The following C2orf68 variants were observed in gnomAD, a reference collection of about 807,000 sequenced individuals.
C2orf68 encodes the protein UPF0561 protein C2orf68.
Under a neutral mutation model 19.1 loss-of-function variants are expected in C2orf68, and 15 were observed. That is an observed-to-expected ratio of 0.79 (90% CI 0.53 to 1.21). The LOEUF (loss-of-function observed/expected upper bound fraction) is 1.21. Among genes scored for constraint, C2orf68 ranks in the 50% most tolerant of loss-of-function variants. The pLI is 0.00. For missense variants in C2orf68, 242 were observed against 226.6 expected, an observed-to-expected ratio of 1.07 and a Z score of -0.44; for synonymous variants, 98 against 91.0, an observed-to-expected ratio of 1.08 and a Z score of -0.44.
Position 85,611,993 on chromosome 2 carries a change from G to A in C2orf68, c.-9C>T. 1 of 1,517,484 alleles carries A rather than the reference G, an allele frequency of 6.6e-7. No individual in the cohort carries two copies. The highest frequency in any genetic ancestry group is 2.4e-5 in the East Asian group (1 of 41,490). 94.0% of individuals were successfully genotyped at this position (1,517,484 alleles called of 1,614,324 possible). ...TGCGGCCCCGCCTCCATCAGGAGCCGGGGACGCAGAGTCGCCGCCGCCTCG... is the reference window on the plus strand; with the variant it reads ...TGCGGCCCCGCCTCCATCAGGAGCCAGGGACGCAGAGTCGCCGCCGCCTCG... On this transcript the variant is annotated 5_prime_UTR_variant, in exon 1 of 4. Coordinates refer to ENST00000306336, the MANE Select transcript of C2orf68 (RefSeq NM_001013649.4).
rs201689055 is a variant in C2orf68, at chr2:85,611,721, G to A, written c.173C>T (p.Ala58Val). 2.7e-4 allele frequency: 431 copies of A among 1,602,028 alleles called. 2 individuals are homozygous for A. The African/African-American group carries it at 4.5e-3, about 17-fold the overall frequency. The change falls in exon 2 of 4, where the codon GCG becomes GTG. Residue 58 changes from alanine (A) to valine (V), a missense_variant. Coordinates refer to ENST00000306336, the MANE Select transcript of C2orf68 (RefSeq NM_001013649.4). ...GTCTGGCTTGCGGGGCCGCGTCGGC[G>A]CGGGCGTGTGCCGCCTCCTCACCTT... ...KEKVRRRHTPAPTRPRKPDLQ... is the reference protein window; with the variant it reads ...KEKVRRRHTPVPTRPRKPDLQ...
Position 85,611,868 on chromosome 2 carries a change from G to A in C2orf68, c.107+10C>T, listed in dbSNP as rs1383385812. 23 of 1,597,526 alleles carry A rather than the reference G, an allele frequency of 1.4e-5. No homozygotes were observed. The highest frequency in any genetic ancestry group is 1.9e-5 in the Non-Finnish European group (22 of 1,177,090). On this transcript the variant is annotated intron_variant, in intron 1 of 3. Transcript: ENST00000306336. ...AGTGGTGGCGGCGGCGGCGCAGGGC[G>A]GGGCGGTACCGAGCGATCTGGTTCC...
Position 85,608,793 on chromosome 2 carries a change from G to T in C2orf68, c.*152C>A. Reference sequence around the variant, plus strand: ...ATAAGAAAGAATGACTGCAAGGCAGGCCAGGTGTAGTCCTGCAACACCCTA... The same window carrying T: ...ATAAGAAAGAATGACTGCAAGGCAGTCCAGGTGTAGTCCTGCAACACCCTA... On this transcript the variant is annotated 3_prime_UTR_variant, in exon 4 of 4. Transcript: ENST00000306336. The T allele has an allele frequency of 2.3e-6, 2 of 873,520 alleles. No homozygotes were observed. The highest frequency in any genetic ancestry group is 3.4e-6 in the Non-Finnish European group (2 of 593,774). The allele number at this position is 873,520 out of a possible 1,614,324, so 54.1% of individuals were successfully genotyped here.
Position 85,612,008 on chromosome 2 carries a change from C to G in C2orf68, c.-24G>C, listed in dbSNP as rs904998304. ...ATCAGGAGCCGGGGACGCAGAGTCG[C>G]CGCCGCCTCGACGGCCCCAACAACA... is the stretch of plus-strand genomic sequence containing the variant. On this transcript the variant is annotated 5_prime_UTR_variant, in exon 1 of 4. Transcript: ENST00000306336. The G allele has an allele frequency of 9.5e-6, 14 of 1,475,516 alleles. No individual in the cohort carries two copies. The highest frequency in any genetic ancestry group is 1.2e-5 in the Non-Finnish European group (13 of 1,116,652). The allele number at this position is 1,475,516 out of a possible 1,614,324, so 91.4% of individuals were successfully genotyped here. A position where few individuals can be genotyped will look rare whatever the true frequency, so the allele number is the denominator to read the frequency against.
chr2:85,611,347 G>C (rs1430811740), intron 2 of C2orf68: 1 of 1,438,772 alleles, frequency 7.0e-7, no homozygotes, highest in East Asian at 2.5e-5. Context: ...TGTGCTGGTC[G>C]CTCATCGCTG....
At position 85,609,567 on chromosome 2, in the gene C2orf68, G is replaced by C; in HGVS notation, c.246C>G (p.Arg82=). 6.2e-7 allele frequency: 1 copy of C among 1,614,208 alleles called. No individual in the cohort carries two copies. The highest frequency in any genetic ancestry group is 8.5e-7 in the Non-Finnish European group (1 of 1,180,040). Reference sequence around the variant, plus strand: ...CACCGGACTCTTCATAGTCTGGGTTGCGTGGGTGGGCAGAGACATCTGGAA... The same window carrying C: ...CACCGGACTCTTCATAGTCTGGGTTCCGTGGGTGGGCAGAGACATCTGGAA... The part of the protein sequence containing the change: ...PRHRDVSAHP[R]NPDYEESGES... The change falls in exon 3 of 4, where the codon CGC becomes CGG. Residue 82 remains arginine (R), a synonymous_variant. Coordinates refer to ENST00000306336, the MANE Select transcript of C2orf68 (RefSeq NM_001013649.4).
chr2:85,610,448 A>G (rs1673435045), intron 2 of C2orf68: 1 of 152,242 alleles, frequency 6.6e-6, no homozygotes, highest in African/African-American at 2.4e-5. Flanking sequence ...GGAAAGCAGA[A>G]GGGTGGATAG....
At position 85,606,645 on chromosome 2, in the gene C2orf68, A is replaced by C. The variant is rs1039299080; in HGVS notation, c.*2300T>G. 1 of 152,228 alleles carries C rather than the reference A, an allele frequency of 6.6e-6. No individual in the cohort carries two copies. The highest frequency in any genetic ancestry group is 1.5e-5 in the Non-Finnish European group (1 of 68,030). 9.4% of individuals were successfully genotyped at this position (152,228 alleles called of 1,614,324 possible). ...ATATTAATAGTGTATATGCACTTGA[A>C]AAGCAAAATTCCTCAAGAAAAAAAG... On this transcript the variant is annotated 3_prime_UTR_variant, in exon 4 of 4. Transcript: ENST00000306336.
chr2:85,611,405 A>AGT, intron 2 of C2orf68: 1 of 1,493,752 alleles, frequency 6.7e-7, no homozygotes, highest in South Asian at 1.4e-5. Flanking sequence ...ACTAAAATAC[A>AGT]GCACGGTGGG....
rs769032984 is a variant in C2orf68 at position 85,611,842 on chromosome 2, G to A, written c.107+36C>T. The stretch of plus-strand genomic sequence containing the variant: ...GTCGGGCCGGGCCAGGCCAGGCCAG[G>A]AGTGGTGGCGGCGGCGGCGCAGGGC... On this transcript the variant is annotated intron_variant, in intron 1 of 3. Coordinates refer to ENST00000306336, the MANE Select transcript of C2orf68 (RefSeq NM_001013649.4). The A allele has an allele frequency of 3.1e-6, 5 of 1,602,468 alleles. No homozygotes were observed. The African/African-American group carries it at 6.7e-5, about 21-fold the overall frequency.
In C2orf68 at chr2:85,611,805, G is replaced by A. The variant is rs750097758; in HGVS notation, c.108-19C>T. 1.9e-6 allele frequency: 3 copies of A among 1,610,074 alleles called. No homozygotes were observed. The highest frequency in any genetic ancestry group is 1.7e-6 in the Non-Finnish European group (2 of 1,179,470). On this transcript the variant is annotated intron_variant, in intron 1 of 3. Coordinates refer to ENST00000306336, the MANE Select transcript of C2orf68 (RefSeq NM_001013649.4). ...GTCGTCCCTGCGGGGAGCCGAGCGG[G>A]AGTCAGGGACTGTCGGGCCGGGCCA...
rs958749349 is a variant in C2orf68 at position 85,608,953 on chromosome 2, G to C, written c.493C>G (p.Gln165Glu). Residue 165 changes from glutamine (Q) to glutamate (E), a missense_variant, in exon 4 of 4, where the codon CAA (glutamine) becomes GAA (glutamate). By Grantham distance (29) the Gln-to-Glu change is conservative. Coordinates refer to ENST00000306336, the MANE Select transcript of C2orf68 (RefSeq NM_001013649.4). ...GAACGCCTTCAACATGGTCAGTGTT[G>C]GCTCTGGCGCTTTGCAATCTCCTCC... ...IQEEIAKRQS[Q>E]H The C allele has an allele frequency of 1.2e-6, 2 of 1,614,082 alleles. No individual in the cohort carries two copies. The highest frequency in any genetic ancestry group is 2.7e-5 in the African/African-American group (2 of 74,936).
Position 85,608,512 on chromosome 2 carries a change from C to T in C2orf68, c.*433G>A, listed in dbSNP as rs1673299504. 6.5e-6 allele frequency: 1 copy of T among 154,760 alleles called. No homozygotes were observed. The highest frequency in any genetic ancestry group is 6.5e-5 in the Admixed American group (1 of 15,392). The allele number at this position is 154,760 out of a possible 1,614,324, so 9.6% of individuals were successfully genotyped here. On this transcript the variant is annotated 3_prime_UTR_variant, in exon 4 of 4. Coordinates refer to ENST00000306336, the MANE Select transcript of C2orf68 (RefSeq NM_001013649.4). ...AAAGGGCTGAAAAAAGGTCTATAAA[C>T]ACATGGGTGGAAATGAGCAAAAGCA...
rs370045879 is a variant in C2orf68, at chr2:85,605,515, T to G, written c.*3430A>C. Among the ~76,000 whole-genome samples the G allele has an allele frequency of 1.8e-4, 28 of 152,200 alleles. No homozygotes were observed. Among genetic ancestry groups the G allele is most frequent in the Admixed American group, 8.5e-4 (13 of 15,278 alleles). ...AACTCCTAGGGAAATTTCGGGTGGG[T>G]GCCTATGGCTGTATGACCATCTGAT... On this transcript the variant is annotated 3_prime_UTR_variant, in exon 4 of 4. Transcript: ENST00000306336.
chr2:85,609,141 C>T, intron 3 of C2orf68, 74 bp from the exon 4 acceptor site: 1 of 1,570,456 alleles, frequency 6.4e-7, no homozygotes, highest in South Asian at 1.1e-5. Flanking sequence ...TCCCTAAACA[C>T]TCTCACAGAA....
intron 2 of C2orf68, 38 bp from the exon 3 acceptor site, chr2:85,609,624 G>C (rs200523901): frequency 1.9e-6 from 3 of 1,612,084 alleles, no homozygotes; most frequent in East Asian, 4.5e-5. Context: ...AAGAGGGGGG[G>C]TGCTGCTGAA....
rs573992574 is a variant in C2orf68 at position 85,606,732 on chromosome 2, A to C, written c.*2213T>G. 6.6e-6 allele frequency: 1 copy of C among 152,278 alleles called. No homozygotes were observed. Among genetic ancestry groups the C allele is most frequent in the Admixed American group, 6.5e-5 (1 of 15,294 alleles). The allele number at this position is 152,278 out of a possible 1,614,324, so 9.4% of individuals were successfully genotyped here. A position where few individuals can be genotyped will look rare whatever the true frequency, so the allele number is the denominator to read the frequency against. The stretch of plus-strand genomic sequence containing the variant: ...GTGAGGATTACCACAACAAACACTT[A>C]AAAGGATACAACAGGTACTTATTAA... On this transcript the variant is annotated 3_prime_UTR_variant, in exon 4 of 4. Coordinates refer to ENST00000306336, the MANE Select transcript of C2orf68 (RefSeq NM_001013649.4).
Position 85,611,727 on chromosome 2 carries a change from G to T in C2orf68, c.167C>A (p.Thr56Lys), listed in dbSNP as rs1673545088. The T allele has an allele frequency of 6.2e-7, 1 of 1,605,582 alleles. No homozygotes were observed. The highest frequency in any genetic ancestry group is 8.5e-7 in the Non-Finnish European group (1 of 1,177,000). ...CTTGCGGGGCCGCGTCGGCGCGGGC[G>T]TGTGCCGCCTCCTCACCTTCTCCTT... ...AAKEKVRRRH[T>K]PAPTRPRKPD... The change falls in exon 2 of 4, where the codon ACG becomes AAG. Residue 56 changes from threonine to lysine, a missense_variant. Thr to Lys is a moderately conservative substitution (Grantham distance 78). Transcript: ENST00000306336.
In C2orf68 at chr2:85,605,716, C is replaced by A. The variant is rs1215551795; in HGVS notation, c.*3229G>T. On this transcript the variant is annotated 3_prime_UTR_variant, in exon 4 of 4. Coordinates refer to ENST00000306336, the MANE Select transcript of C2orf68 (RefSeq NM_001013649.4). ...TGTGAGCCTGCTTGGGATCCATTAC[C>A]TAGCCATTCAGAGATCCTGTCAAAT... Among the ~76,000 whole-genome samples the A allele has an allele frequency of 6.6e-6, 1 of 152,184 alleles. No individual in the cohort carries two copies. Among genetic ancestry groups the A allele is most frequent in the Non-Finnish European group, 1.5e-5 (1 of 68,034 alleles).
Sources: allele counts gnomAD v4.1 joint callset (sites outside exome capture counted in the v4.1 genomes callset), GRCh38; gene constraint gnomAD v4.1.1; transcripts MANE v1.5; gene names NCBI Gene and HGNC (gene_info 2026-07-23, HGNC 2026-07-21).